Variants in CSMD1 observed in about 807,000 individuals in gnomAD.
CSMD1 encodes the protein CUB and Sushi multiple domains 1.
In CSMD1, 213 loss-of-function variants were observed where a neutral mutation model predicts 417.5. That is an observed-to-expected ratio of 0.51 (90% confidence interval 0.46 to 0.57). CSMD1 has a LOEUF of 0.57. CSMD1 is among the 20% of genes least tolerant of loss of function. The probability of loss-of-function intolerance (pLI) is 0.00; values close to 1 mark genes in which losing one functional copy is unlikely to be tolerated. For missense variants in CSMD1, 6,923 were observed against 4,529.7 expected, an observed-to-expected ratio of 1.53 and a Z score of -15.17; for synonymous variants, 2,862 against 1,736.8, an observed-to-expected ratio of 1.65 and a Z score of -16.11.
chr8:3,534,363 T>C (rs553651856), intron 10 of CSMD1, among the ~76,000 whole-genome samples: 2 of 152,144 alleles, frequency 1.3e-5, no homozygotes, highest in Non-Finnish European at 2.9e-5. Context: ...TCTCTTTAAA[T>C]GCCGTGTTCA....
At chr8:4,341,016 A>G (rs1298905946) in intron 3 of CSMD1, among the ~76,000 whole-genome samples, 1 of 152,052 alleles carries the variant, frequency 6.6e-6, no homozygotes, top group African/African-American at 2.4e-5. Flanking sequence ...TTTTTTCAGA[A>G]AATTACATAT....
chr8:4,649,817 C>G (rs780095420), intron 1 of CSMD1, among the ~76,000 whole-genome samples: 1 of 152,210 alleles, frequency 6.6e-6, no homozygotes. Flanking sequence ...AGTAACTATT[C>G]TGACCTGATA....
intron 23 of CSMD1, among the ~76,000 whole-genome samples, chr8:3,329,518 C>A (rs1023238404): frequency 6.6e-6 from 1 of 152,182 alleles, no homozygotes; most frequent in Admixed American, 6.5e-5. Context: ...AACATCTTTT[C>A]CCCATGAGAA....
At chr8:3,600,355 T>C (rs955606219) in intron 8 of CSMD1, among the ~76,000 whole-genome samples, 2 of 152,222 alleles carry the variant, frequency 1.3e-5, no homozygotes, top group Non-Finnish European at 2.9e-5. Flanking sequence ...CTTTAGATCC[T>C]AGTTAAATTG....
In CSMD1 at chr8:4,985,292, C is replaced by T. The variant is rs139659443; in HGVS notation, c.85+9040G>A. Among the ~76,000 whole-genome samples the T allele has an allele frequency of 7.9e-5, 12 of 152,096 alleles. No individual in the cohort carries two copies. In the East Asian group the frequency reaches 9.7e-4, roughly 12 times the overall value. ...CTTACTACCTTGGTAATGATATAAT[C>T]GGTACAACAACCCCCCATGACACAC... On this transcript the variant is annotated intron_variant, in intron 1 of 69. Coordinates refer to ENST00000635120, the MANE Select transcript of CSMD1 (RefSeq NM_033225.6).
At chr8:3,247,181 C>T (rs956795922) in intron 26 of CSMD1, among the ~76,000 whole-genome samples, 4 of 152,136 alleles carry the variant, frequency 2.6e-5, no homozygotes, top group African/African-American at 7.2e-5. Flanking sequence ...GAAAGAGGCT[C>T]ACAGACCATG....
intron 5 of CSMD1, among the ~76,000 whole-genome samples, chr8:3,823,951 G>A (rs369474056): frequency 1.3e-5 from 2 of 152,072 alleles, no homozygotes; most frequent in Admixed American, 6.6e-5. Context: ...TATACAAACA[G>A]ATCAAATAAT....
intron 3 of CSMD1, among the ~76,000 whole-genome samples, chr8:4,089,607 T>C (rs2130842766): frequency 6.6e-6 from 1 of 152,354 alleles, no homozygotes; most frequent in Non-Finnish European, 1.5e-5. Context: ...TAAATGGGGA[T>C]AATAAAATTA....
chr8:3,914,540 C>G (rs1180466506), intron 5 of CSMD1, among the ~76,000 whole-genome samples: 1 of 152,078 alleles, frequency 6.6e-6, no homozygotes, highest in African/African-American at 2.4e-5. Flanking sequence ...ACTAAAGTAT[C>G]AATAGTTTCC....
chr8:4,229,834 G>A (rs1304919641), intron 3 of CSMD1, among the ~76,000 whole-genome samples: 2 of 152,112 alleles, frequency 1.3e-5, no homozygotes, highest in Non-Finnish European at 2.9e-5. Context: ...TCCCAAGAGG[G>A]CCGGGATTTT....
intron 1 of CSMD1, among the ~76,000 whole-genome samples, chr8:4,803,023 G>A (rs189021391): frequency 6.6e-6 from 1 of 152,174 alleles, no homozygotes; most frequent in Admixed American, 6.5e-5. Context: ...ATATCATTTG[G>A]TTTTCTCCGG....
chr8:3,508,153 T>C (rs1277412959), intron 10 of CSMD1, among the ~76,000 whole-genome samples: 1 of 152,172 alleles, frequency 6.6e-6, no homozygotes, highest in African/African-American at 2.4e-5. Context: ...ATGTTCTCAC[T>C]CATAGGTGGG....
intron 3 of CSMD1, among the ~76,000 whole-genome samples, chr8:4,327,040 G>C (rs190313670): frequency 6.6e-6 from 1 of 152,250 alleles, no homozygotes; most frequent in East Asian, 1.9e-4. Context: ...CAGTGGTATG[G>C]ATTCCAACTC....
At chr8:3,050,172 C>G (rs1315143015) in intron 50 of CSMD1, among the ~76,000 whole-genome samples, 5 of 150,698 alleles carry the variant, frequency 3.3e-5, no homozygotes, top group African/African-American at 1.2e-4. Flanking sequence ...CCCTAAGGGT[C>G]AAAACTGGAC....
chr8:4,354,828 G>A (rs1329847515), intron 3 of CSMD1, among the ~76,000 whole-genome samples: 1 of 150,440 alleles, frequency 6.6e-6, no homozygotes, highest in African/African-American at 2.4e-5. Context: ...CCTGGTTTCT[G>A]AGCTCTCACT....
At chr8:3,923,678 T>G (rs530717752) in intron 5 of CSMD1, among the ~76,000 whole-genome samples, 69 of 152,298 alleles carry the variant, frequency 4.5e-4, no homozygotes, top group African/African-American at 1.6e-3. Context: ...ATTCTTTTTA[T>G]CTGTAGTCAC....
At chr8:3,755,538 G>A (rs962088220) in intron 5 of CSMD1, among the ~76,000 whole-genome samples, 1 of 152,186 alleles carries the variant, frequency 6.6e-6, no homozygotes, top group Non-Finnish European at 1.5e-5. Flanking sequence ...GGGCCTGCCT[G>A]TGAGCGCCGC....
chr8:3,041,758 T>C (rs1010831473), intron 50 of CSMD1, among the ~76,000 whole-genome samples: 2 of 152,196 alleles, frequency 1.3e-5, no homozygotes, highest in African/African-American at 4.8e-5. Context: ...AACTTCATAG[T>C]TCAACACAGC....
intron 8 of CSMD1, among the ~76,000 whole-genome samples, chr8:3,614,292 T>C (rs557226288): frequency 6.6e-6 from 1 of 152,114 alleles, no homozygotes; most frequent in Non-Finnish European, 1.5e-5. Context: ...AGAAACCTTA[T>C]CTATATTCTT....
Sources: allele counts gnomAD v4.1 joint callset (sites outside exome capture counted in the v4.1 genomes callset), GRCh38; gene constraint gnomAD v4.1.1; transcripts MANE v1.5; gene names NCBI Gene and HGNC (gene_info 2026-07-23, HGNC 2026-07-21).